The following GLP2R variants were observed in gnomAD, a reference collection of about 807,000 sequenced individuals.
GLP2R encodes glucagon like peptide 2 receptor.
GLP2R carries 59 observed loss-of-function variants against 68.2 expected under a neutral mutation model. The ratio of observed to expected loss-of-function variants is 0.87; its 90% CI spans 0.70 to 1.07. The LOEUF is 1.07. Among genes scored for constraint, GLP2R ranks in the 50% least tolerant of loss-of-function variants. The probability of loss-of-function intolerance (pLI) is 0.00; values close to 1 mark genes in which losing one functional copy is unlikely to be tolerated. For synonymous variants in GLP2R, 270 were observed against 265.4 expected (o/e 1.02, Z -0.17); for missense variants, 548 against 677.4 (o/e 0.81, Z 2.12).
At chr17:9,840,779 AG>A (rs1672713582) in intron 3 of GLP2R, among the ~76,000 whole-genome samples, 1 of 152,150 alleles carries the variant, frequency 6.6e-6, no homozygotes, top group African/African-American at 2.4e-5. Flanking sequence ...AAGGTTTTAG[AG>A]GGAGGGTGTT....
chr17:9,833,479 G>A (rs576961328), intron 1 of GLP2R, among the ~76,000 whole-genome samples: 6 of 152,314 alleles, frequency 3.9e-5, no homozygotes, highest in Non-Finnish European at 5.9e-5. Flanking sequence ...TGGGATCTAC[G>A]TAGTCTTAGA....
At chr17:9,831,853 A>G (rs2152029540) in intron 1 of GLP2R, among the ~76,000 whole-genome samples, 1 of 152,216 alleles carries the variant, frequency 6.6e-6, no homozygotes, top group Middle Eastern at 3.4e-3. Context: ...GGTCGATGGA[A>G]CCTGGACAAG....
rs1254812418 is a variant in GLP2R, at chr17:9,826,300, T to A, written c.189+48T>A. 3 of 1,423,798 alleles carry A rather than the reference T, an allele frequency of 2.1e-6. No homozygotes were observed. The African/African-American group carries it at 4.4e-5, about 21-fold the overall frequency. The allele number at this position is 1,423,798 out of a possible 1,614,324, so 88.2% of individuals were successfully genotyped here. ...ATTATTATCAGTTGTATTTCCTGAT[T>A]TTTTTTTAAAGAAGCAATTTAGGCC... is the stretch of plus-strand genomic sequence containing the variant. On this transcript the variant is annotated intron_variant, in intron 1 of 12. Coordinates refer to ENST00000262441, the MANE Select transcript of GLP2R (RefSeq NM_004246.3).
At position 9,889,314 on chromosome 17, in the gene GLP2R, G is replaced by T. The variant is rs1597409535; in HGVS notation, c.1327-56G>T. 4.1e-5 allele frequency: 50 copies of T among 1,208,538 alleles called. 4 individuals carry two copies. The South Asian group carries it at 6.5e-4, about 16-fold the overall frequency. The allele number at this position is 1,208,538 out of a possible 1,614,324, so 74.9% of individuals were successfully genotyped here. A position where few individuals can be genotyped will look rare whatever the true frequency, so the allele number is the denominator to read the frequency against. On this transcript the variant is annotated intron_variant, in intron 12 of 12. Transcript: ENST00000262441. ...GCTACTCAATTAATATTTGCTAAAT[G>T]GACACATGGCTAAATGACTCCAAGA...
intron 3 of GLP2R, among the ~76,000 whole-genome samples, chr17:9,836,936 G>A (rs1299834696): frequency 6.6e-6 from 1 of 151,906 alleles, no homozygotes; most frequent in Non-Finnish European, 1.5e-5. Flanking sequence ...TGCAACCTCC[G>A]CCTCCCAGGT....
intron 1 of GLP2R, among the ~76,000 whole-genome samples, chr17:9,829,241 T>A (rs140512298): frequency 6.6e-6 from 1 of 152,308 alleles, no homozygotes; most frequent in African/African-American, 2.4e-5. Flanking sequence ...ACATAAACTA[T>A]CTAAGGATTT....
intron 11 of GLP2R, among the ~76,000 whole-genome samples, chr17:9,884,987 A>C (rs1386581675): frequency 2.0e-5 from 3 of 152,034 alleles, no homozygotes; most frequent in African/African-American, 7.2e-5. Flanking sequence ...TCACTCACCC[A>C]AGGCCCGGTA....
Position 9,833,888 on chromosome 17 carries a change from C to A in GLP2R, c.271C>A (p.Pro91Thr), listed in dbSNP as rs116054562. 260 of 1,603,128 alleles carry A rather than the reference C, an allele frequency of 1.6e-4. No homozygotes were observed. Among genetic ancestry groups the A allele is most frequent in the Middle Eastern group, 1.2e-3 (7 of 6,066 alleles). Residue 91 changes from proline to threonine, a missense_variant, in exon 2 of 13, where the codon CCT (proline) becomes ACT (threonine). Transcript: ENST00000262441. ...ATGTCTGAGAGACTTACTCAAGGAA[C>A]CTTCTGGTAAGCATGTGTATTAGTT... is the stretch of plus-strand genomic sequence containing the variant. ...QACLRDLLKE[P>T]SGIFCNGTFD...
intron 2 of GLP2R, among the ~76,000 whole-genome samples, chr17:9,835,558 G>T (rs1256502126): frequency 1.3e-5 from 2 of 152,140 alleles, no homozygotes; most frequent in Non-Finnish European, 2.9e-5. Context: ...TACTTGTGTT[G>T]GTTATGTGTG....
chr17:9,884,675 T>G (rs1476860190), intron 11 of GLP2R, among the ~76,000 whole-genome samples: 1 of 150,332 alleles, frequency 6.7e-6, no homozygotes, highest in Non-Finnish European at 1.5e-5. Flanking sequence ...TATGAGCAGT[T>G]GGACAATATT....
chr17:9,847,563 C>T lies in GLP2R; in HGVS notation c.504+4947C>T, dbSNP rs138160480. Among the ~76,000 whole-genome samples the T allele has an allele frequency of 5.4e-4, 82 of 152,196 alleles. 2 individuals are homozygous for T. In the East Asian group the frequency reaches 8.1e-3, roughly 15 times the overall value. On this transcript the variant is annotated intron_variant, in intron 4 of 12. Transcript: ENST00000262441. The stretch of plus-strand genomic sequence containing the variant: ...GATTACAGGTGTGAGCCACCGCGCC[C>T]GGCCATCGTTTAATTTTTAAGAATG...
chr17:9,882,246 T>A (rs2067203676), intron 11 of GLP2R, among the ~76,000 whole-genome samples: 1 of 152,162 alleles, frequency 6.6e-6, no homozygotes, highest in African/African-American at 2.4e-5. Context: ...AGAAAAACTC[T>A]CATCCTTGGG....
intron 2 of GLP2R, 79 bp from the exon 3 acceptor site, chr17:9,836,292 C>T (rs2066730224): frequency 5.3e-6 from 5 of 947,966 alleles, no homozygotes; most frequent in Admixed American, 5.2e-5. Context: ...AAGGTGGGCT[C>T]CCACGGTGCC....
rs2066992584 is a variant in GLP2R at position 9,862,092 on chromosome 17, T to C, written c.1056+2T>C. On this transcript the variant is annotated splice_donor_variant, in intron 9 of 12. Transcript: ENST00000262441. LOFTEE classifies it high-confidence loss of function. ...GGACCCATGATGCTCTGTGTAACAG[T>C]AAGGACCATCCCATCCACCTCTTTG... 3 of 1,607,016 alleles carry C rather than the reference T, an allele frequency of 1.9e-6. No homozygotes were observed. Among genetic ancestry groups the C allele is most frequent in the Non-Finnish European group, 2.6e-6 (3 of 1,173,636 alleles).
At chr17:9,851,748 C>T (rs1444003634) in intron 4 of GLP2R, among the ~76,000 whole-genome samples, 2 of 151,462 alleles carry the variant, frequency 1.3e-5, no homozygotes, top group African/African-American at 4.8e-5. Flanking sequence ...ATGAAGAACA[C>T]TAGAAATAGT....
chr17:9,850,955 A>T lies in GLP2R; in HGVS notation c.505-3540A>T, dbSNP rs536829469. On this transcript the variant is annotated intron_variant, in intron 4 of 12. Coordinates refer to ENST00000262441, the MANE Select transcript of GLP2R (RefSeq NM_004246.3). ...TGATCCTCCTGCCTGGGCCTCCCAA[A>T]GTGCTGGGATTACAGGCTTGTGAAG... Among the ~76,000 whole-genome samples, 3 of 151,940 alleles carry T rather than the reference A, an allele frequency of 2.0e-5. No individual in the cohort carries two copies. The Middle Eastern group carries it at 0.01, about 517-fold the overall frequency.
intron 5 of GLP2R, among the ~76,000 whole-genome samples, 177 bp from the exon 6 acceptor site, chr17:9,857,246 A>T (rs1426960683): frequency 6.6e-6 from 1 of 152,162 alleles, no homozygotes; most frequent in East Asian, 1.9e-4. Context: ...CTCTCATTTT[A>T]CAAATGACGA....
At chr17:9,885,652 C>T (rs566130240) in intron 11 of GLP2R, among the ~76,000 whole-genome samples, 2 of 151,980 alleles carry the variant, frequency 1.3e-5, no homozygotes, top group African/African-American at 4.8e-5. Flanking sequence ...ATCTTACTTC[C>T]TCTAAGATGG....
chr17:9,861,349 A>T (rs1461517393), intron 8 of GLP2R, 150 bp downstream of exon 8: 1 of 622,936 alleles, frequency 1.6e-6, no homozygotes, highest in Non-Finnish European at 2.9e-6. Context: ...AGATAAAATA[A>T]TCAGAGATCT....
Sources: gnomAD v4.1 joint callset for allele counts (sites outside exome capture counted in the v4.1 genomes callset) on GRCh38, gnomAD v4.1.1 for gene constraint, MANE v1.5 for transcripts, NCBI Gene and HGNC (gene_info 2026-07-23, HGNC 2026-07-21) for gene names.